Variants in LRRFIP1 observed in about 807,000 individuals in gnomAD.
The protein encoded by LRRFIP1 is leucine-rich repeat flightless-interacting protein 1.
LRRFIP1 carries 62 observed loss-of-function variants against 104.4 expected under a neutral mutation model. The observed-to-expected ratio is 0.59, with a 90% CI of 0.48 to 0.73. The LOEUF is 0.73. Ranked by LOEUF, LRRFIP1 falls within the 30% of genes least tolerant of loss-of-function variation. The probability of loss-of-function intolerance (pLI) is 0.00; values close to 1 mark genes in which losing one functional copy is unlikely to be tolerated. For missense variants in LRRFIP1, 796 were observed against 824.5 expected (o/e 0.97, Z 0.42); for synonymous variants, 300 against 299.0 (o/e 1.00, Z -0.03).
At chr2:237,675,274 T>C (rs1315544770) in intron 1 of LRRFIP1, among the ~76,000 whole-genome samples, 1 of 152,254 alleles carries the variant, frequency 6.6e-6, no homozygotes, top group East Asian at 1.9e-4. Context: ...AACACCTGTT[T>C]AGGGGCTGCC....
intron 1 of LRRFIP1, among the ~76,000 whole-genome samples, chr2:237,667,402 T>C (rs191717287): frequency 1.7e-3 from 257 of 152,334 alleles, no homozygotes; most frequent in Middle Eastern, 6.8e-3. Flanking sequence ...TTTTTTATGG[T>C]TGCATAGTAT....
At chr2:237,674,619 C>T (rs1194226565) in intron 1 of LRRFIP1, among the ~76,000 whole-genome samples, 1 of 152,228 alleles carries the variant, frequency 6.6e-6, no homozygotes, top group Non-Finnish European at 1.5e-5. Flanking sequence ...GATTCTTAAC[C>T]TTGGGTCCAA....
At chr2:237,692,639 T>G in intron 1 of LRRFIP1, 7 of 1,275,696 alleles carry the variant, frequency 5.5e-6, no homozygotes, top group South Asian at 2.0e-5. Flanking sequence ...GGGTGGGCTC[T>G]GGCGGGACCC....
intron 1 of LRRFIP1, among the ~76,000 whole-genome samples, chr2:237,632,953 C>T (rs947908078): frequency 2.0e-5 from 3 of 152,178 alleles, no homozygotes; most frequent in Non-Finnish European, 1.5e-5. Flanking sequence ...TGACTTTTTT[C>T]TCTATGAATT....
At chr2:237,657,620 C>A (rs560849310) in intron 1 of LRRFIP1, among the ~76,000 whole-genome samples, 4 of 152,006 alleles carry the variant, frequency 2.6e-5, no homozygotes, top group African/African-American at 9.7e-5. Flanking sequence ...GGAAAGAAAG[C>A]GTGACAGAAT....
At chr2:237,673,569 C>G (rs2090670193) in intron 1 of LRRFIP1, among the ~76,000 whole-genome samples, 1 of 152,238 alleles carries the variant, frequency 6.6e-6, no homozygotes, top group Non-Finnish European at 1.5e-5. Flanking sequence ...CATCAGTCCT[C>G]CCCAGAAAGT....
intron 23 of LRRFIP1, among the ~76,000 whole-genome samples, chr2:237,777,667 GT>G (rs1268499351): frequency 2.0e-5 from 3 of 151,982 alleles, no homozygotes; most frequent in Admixed American, 6.6e-5. Flanking sequence ...GTTAGATGTA[GT>G]TTATTGGAAT....
intron 1 of LRRFIP1, among the ~76,000 whole-genome samples, chr2:237,700,770 G>C (rs1014821279): frequency 2.6e-4 from 40 of 152,168 alleles, no homozygotes; most frequent in Non-Finnish European, 1.5e-5. Flanking sequence ...ATCTGCACAT[G>C]AGCTGTATGC....
chr2:237,743,442 C>T (rs1431765340), intron 11 of LRRFIP1, among the ~76,000 whole-genome samples: 1 of 152,244 alleles, frequency 6.6e-6, no homozygotes, highest in Non-Finnish European at 1.5e-5. Flanking sequence ...CCACTTGGTC[C>T]TCCCAGGGTC....
intron 1 of LRRFIP1, among the ~76,000 whole-genome samples, chr2:237,653,961 G>T (rs2086369680): frequency 6.6e-6 from 1 of 152,046 alleles, no homozygotes; most frequent in African/African-American, 2.4e-5. Flanking sequence ...GATTTTTTTG[G>T]ATATGACTCA....
intron 7 of LRRFIP1, among the ~76,000 whole-genome samples, chr2:237,724,002 C>T (rs981704408): frequency 6.6e-6 from 1 of 151,910 alleles, no homozygotes; most frequent in Admixed American, 6.6e-5. Context: ...AATGAAAAAT[C>T]CATTATTTTC....
At chr2:237,738,841 G>A (rs45525234) in intron 10 of LRRFIP1, among the ~76,000 whole-genome samples, 24,457 of 152,222 alleles carry the variant, frequency 0.16, 2,083 homozygotes, top group East Asian at 0.27. Context: ...TTGCTAAAGC[G>A]CCAAGCGCCC....
intron 1 of LRRFIP1, among the ~76,000 whole-genome samples, chr2:237,642,514 G>A (rs2084160008): frequency 6.6e-6 from 1 of 151,850 alleles, no homozygotes; most frequent in Admixed American, 6.6e-5. Context: ...TCAGGTTCCG[G>A]GTTCCAGGCT....
intron 19 of LRRFIP1, among the ~76,000 whole-genome samples, chr2:237,760,841 T>C (rs56001807): frequency 0.14 from 21,188 of 152,158 alleles, 1,888 homozygotes; most frequent in East Asian, 0.33. Flanking sequence ...TGCCACGTGT[T>C]TGCTTCTGAA....
intron 7 of LRRFIP1, among the ~76,000 whole-genome samples, chr2:237,723,829 C>G (rs1234361681): frequency 6.6e-6 from 1 of 152,238 alleles, no homozygotes; most frequent in Non-Finnish European, 1.5e-5. Flanking sequence ...ACTCCCTCAC[C>G]AGATGGCCTT....
intron 23 of LRRFIP1, among the ~76,000 whole-genome samples, chr2:237,774,842 G>T (rs561995637): frequency 1.3e-5 from 2 of 152,262 alleles, no homozygotes; most frequent in African/African-American, 2.4e-5. Flanking sequence ...CAAGAGCTGG[G>T]TGTGGCACCA....
intron 2 of LRRFIP1, among the ~76,000 whole-genome samples, 196 bp from the exon 3 acceptor site, chr2:237,714,063 C>G (rs974231439): frequency 5.3e-5 from 8 of 152,190 alleles, no homozygotes; most frequent in African/African-American, 1.9e-4. Flanking sequence ...CCCAATGTAT[C>G]TAAAATGAAA....
chr2:237,731,649 C>T (rs963442961), intron 8 of LRRFIP1, among the ~76,000 whole-genome samples: 55 of 152,292 alleles, frequency 3.6e-4, no homozygotes, highest in African/African-American at 1.3e-3. Context: ...AACTTCATTT[C>T]CAACTCATTT....
chr2:237,627,754 G>A lies in LRRFIP1; in HGVS notation c.96+14G>A, dbSNP rs757011037. 17 of 1,233,108 alleles carry A rather than the reference G, an allele frequency of 1.4e-5. No individual in the cohort carries two copies. The highest frequency in any genetic ancestry group is 1.6e-5 in the Non-Finnish European group (16 of 981,968). The allele number at this position is 1,233,108 out of a possible 1,614,324, so 76.4% of individuals were successfully genotyped here. ...ATCGCGCGGGAGGTGAGCGCTCCGGGAGGGCAGCCGGGGGGCGCCGGGCGG... is the reference window on the plus strand; with the variant it reads ...ATCGCGCGGGAGGTGAGCGCTCCGGAAGGGCAGCCGGGGGGCGCCGGGCGG... On this transcript the variant is annotated intron_variant, in intron 1 of 23. Transcript: ENST00000308482.
Sources: allele counts gnomAD v4.1 joint callset (sites outside exome capture counted in the v4.1 genomes callset), GRCh38; gene constraint gnomAD v4.1.1; transcripts MANE v1.5; gene names NCBI Gene and HGNC (gene_info 2026-07-23, HGNC 2026-07-21).